Variants in AMMECR1 observed in about 807,000 individuals in gnomAD.
AMMECR1 encodes the protein AMMECR nuclear protein 1, also known as nuclear protein AMMECR1.
AMMECR1 carries 3 observed loss-of-function variants against 22.5 expected under a neutral mutation model. That is an observed-to-expected ratio of 0.13 (90% CI 0.06 to 0.35). The LOEUF (loss-of-function observed/expected upper bound fraction) is 0.35. AMMECR1 is among the 10% of genes least tolerant of loss of function. AMMECR1 has a pLI of 1.00. For missense variants in AMMECR1, 235 were observed against 278.7 expected (o/e 0.84, Z 1.12); for synonymous variants, 130 against 116.7 (o/e 1.11, Z -0.74).
intron 2 of AMMECR1, among the ~76,000 whole-genome samples, chrX:110,362,700 G>C (rs1352501549): frequency 8.9e-6 from 1 of 111,802 alleles, no homozygotes; most frequent in Non-Finnish European, 1.9e-5. Flanking sequence ...CTTACTGACT[G>C]TTCTTTCATA....
At chrX:110,403,216 C>T (rs184400675) in intron 2 of AMMECR1, among the ~76,000 whole-genome samples, 43 of 112,283 alleles carry the variant, frequency 3.8e-4, no homozygotes, top group Non-Finnish European at 7.7e-4. Context: ...GGGATTCTAC[C>T]ACACATTGCA....
chrX:110,299,116 T>C (rs1294944680), intron 1 of AMMECR1, among the ~76,000 whole-genome samples: 1 of 111,997 alleles, frequency 8.9e-6, no homozygotes, highest in Admixed American at 9.5e-5. Context: ...TCCTATCATT[T>C]CACTAAGCTT....
Position 110,228,630 on chromosome X carries a change from G to A in AMMECR1, c.585-11998C>T, listed in dbSNP as rs1021688482. Among the ~76,000 whole-genome samples the A allele has an allele frequency of 1.8e-4, 20 of 111,150 alleles. 1 individual carries two copies. Among genetic ancestry groups the A allele is most frequent in the Non-Finnish European group, 1.5e-4 (8 of 53,077 alleles). On this transcript the variant is annotated intron_variant, in intron 2 of 5. Transcript: ENST00000262844. ...TGCCCAACATAACTCAGCACTGACAGGCACCTGGCACGTGTCAGCATGATG... is the reference window on the plus strand; with the variant it reads ...TGCCCAACATAACTCAGCACTGACAAGCACCTGGCACGTGTCAGCATGATG...
chrX:110,262,855 G>T (rs776599902), intron 2 of AMMECR1, among the ~76,000 whole-genome samples: 1 of 111,440 alleles, frequency 9.0e-6, no homozygotes, highest in Non-Finnish European at 1.9e-5. Flanking sequence ...TCAGACTTTG[G>T]GGTGGGAGGA....
chrX:110,333,313 T>C (rs1299168254), intron 2 of AMMECR1, among the ~76,000 whole-genome samples: 1 of 111,541 alleles, frequency 9.0e-6, no homozygotes, highest in African/African-American at 3.3e-5. Flanking sequence ...ATGGCGATCA[T>C]TAAAAAGTCA....
rs139332080 is a variant in AMMECR1, at chrX:110,336,749, T to C, written c.-147-18900A>G. The stretch of plus-strand genomic sequence containing the variant: ...CCATGATTTCATGATTATTATTGCT[T>C]TGATGAAATTAATGTAGGAAGAGCC... On this transcript the variant is annotated intron_variant, in intron 2 of 7. Coordinates refer to the AMMECR1 transcript ENST00000372057. 2.0e-3 allele frequency among the ~76,000 whole-genome samples: 219 copies of C among 110,395 alleles called. 4 individuals carry two copies. In the East Asian group the frequency reaches 0.054, roughly 27 times the overall value.
intron 2 of AMMECR1, among the ~76,000 whole-genome samples, chrX:110,339,427 A>AC (rs2068154775): frequency 9.6e-6 from 1 of 104,205 alleles, no homozygotes; most frequent in Admixed American, 1.0e-4. Flanking sequence ...AAAAAAAAAC[A>AC]AAAAAAGGAG....
At chrX:110,215,731 T>A (rs1321008567) in intron 3 of AMMECR1, among the ~76,000 whole-genome samples, 3 of 111,812 alleles carry the variant, frequency 2.7e-5, no homozygotes, top group Non-Finnish European at 5.7e-5. Context: ...GAACCAAATC[T>A]TACCACTTTT....
chrX:110,304,152 T>G (rs750914686), intron 1 of AMMECR1, among the ~76,000 whole-genome samples: 3 of 112,319 alleles, frequency 2.7e-5, no homozygotes, highest in Non-Finnish European at 5.6e-5. Flanking sequence ...TTTGCTTATA[T>G]AGATTGTTTC....
chrX:110,359,728 G>A (rs1311903631), intron 2 of AMMECR1, among the ~76,000 whole-genome samples: 1 of 111,844 alleles, frequency 8.9e-6, no homozygotes, highest in Non-Finnish European at 1.9e-5. Context: ...TTGCTCTTAA[G>A]CAACAGACAA....
chrX:110,297,710 G>A (rs901055618), intron 1 of AMMECR1, among the ~76,000 whole-genome samples: 7 of 111,366 alleles, frequency 6.3e-5, no homozygotes, highest in Non-Finnish European at 1.3e-4. Context: ...GCTTTTATAG[G>A]GGAGTAGATT....
intron 2 of AMMECR1, among the ~76,000 whole-genome samples, chrX:110,396,291 C>T (rs774520131): frequency 1.8e-5 from 2 of 111,850 alleles, no homozygotes; most frequent in Non-Finnish European, 3.8e-5. Flanking sequence ...CCCCAAGTAT[C>T]CATCACCCAG....
At chrX:110,429,478 TG>T (rs201915443) in intron 1 of AMMECR1, among the ~76,000 whole-genome samples, 16,827 of 92,073 alleles carry the variant, frequency 0.18, 3,822 homozygotes, top group African/African-American at 0.65. Flanking sequence ...TTTTTTGTTT[TG>T]TTTTTTTGGT....
intron 2 of AMMECR1, among the ~76,000 whole-genome samples, chrX:110,414,661 A>G (rs747742853): frequency 8.9e-6 from 1 of 112,757 alleles, no homozygotes; most frequent in East Asian, 2.8e-4. Context: ...ATCTTGATGA[A>G]TTATTGTGAC....
intron 2 of AMMECR1, among the ~76,000 whole-genome samples, chrX:110,251,078 A>C (rs1255331228): frequency 8.9e-6 from 1 of 112,058 alleles, no homozygotes; most frequent in East Asian, 2.8e-4. Context: ...ATAAGCTAAC[A>C]TATGCAAACA....
chrX:110,251,494 GCTT>G (rs771639176), intron 2 of AMMECR1, among the ~76,000 whole-genome samples: 1 of 112,393 alleles, frequency 8.9e-6, no homozygotes, highest in South Asian at 3.7e-4. Context: ...CAAGTACTAT[GCTT>G]CTTAATAAAA....
At chrX:110,326,146 C>T (rs958159200) in intron 2 of AMMECR1, among the ~76,000 whole-genome samples, 2 of 110,644 alleles carry the variant, frequency 1.8e-5, no homozygotes, top group Admixed American at 9.6e-5. Context: ...TGCATCACCA[C>T]GCCTGGCTAA....
chrX:110,306,764 G>GT (rs760433792), intron 1 of AMMECR1: 2 of 111,776 alleles, frequency 1.8e-5, no homozygotes, highest in South Asian at 7.5e-4. Flanking sequence ...GGCCCCTCTA[G>GT]TAAGTTTATA....
At chrX:110,368,034 T>A (rs1480254993) in intron 2 of AMMECR1, among the ~76,000 whole-genome samples, 1 of 105,206 alleles carries the variant, frequency 9.5e-6, no homozygotes, top group Non-Finnish European at 1.9e-5. Context: ...GAAACAGATG[T>A]CTTGCTTTGT....
Sources: allele counts gnomAD v4.1 joint callset (sites outside exome capture counted in the v4.1 genomes callset), GRCh38; gene constraint gnomAD v4.1.1; transcripts MANE v1.5; gene names NCBI Gene and HGNC (gene_info 2026-07-23, HGNC 2026-07-21).